CEP152: variants seen among roughly 807,000 people sequenced by gnomAD.
The protein encoded by CEP152 is centrosomal protein of 152 kDa.
A neutral mutation model predicts 188.9 loss-of-function variants in CEP152; 132 were observed. The ratio of observed to expected loss-of-function variants is 0.70; its 90% confidence interval spans 0.61 to 0.81. The LOEUF is 0.81. CEP152 is among the 30% of genes least tolerant of loss of function. The probability of loss-of-function intolerance (pLI) is 0.00; values close to 1 mark genes in which losing one functional copy is unlikely to be tolerated. For synonymous variants in CEP152, 649 were observed against 666.6 expected, an observed-to-expected ratio of 0.97 and a Z score of 0.41; for missense variants, 1,914 against 1,969.8, an observed-to-expected ratio of 0.97 and a Z score of 0.54.
intron 22 of CEP152, among the ~76,000 whole-genome samples, chr15:48,747,428 G>A (rs1893528219): frequency 6.6e-6 from 1 of 152,104 alleles, no homozygotes; most frequent in African/African-American, 2.4e-5. Flanking sequence ...TGGAGAATTT[G>A]GAGAAGGTAT....
chr15:48,762,389 A>G lies in CEP152; in HGVS notation c.2562+2T>C. On this transcript the variant is annotated splice_donor_variant, in intron 18 of 26. Transcript: ENST00000380950. LOFTEE classifies it high-confidence loss of function. ...ATTTACTAGAATAAATCTGCCTTTT[A>G]CCTGTTTGGTAATATTTTCACAATG... is the stretch of plus-strand genomic sequence containing the variant. The G allele has an allele frequency of 6.2e-7, 1 of 1,613,644 alleles. No homozygotes were observed. Among genetic ancestry groups the G allele is most frequent in the Non-Finnish European group, 8.5e-7 (1 of 1,179,610 alleles).
chr15:48,733,459 T>C (rs115786107), downstream of CEP152, among the ~76,000 whole-genome samples: 356 of 152,260 alleles, frequency 2.3e-3, 1 homozygote, highest in African/African-American at 8.1e-3. Flanking sequence ...AACTTGCACA[T>C]AGATTAATAA....
intron 19 of CEP152, 140 bp from the exon 20 acceptor site, chr15:48,756,693 G>C: frequency 1.3e-6 from 1 of 781,382 alleles, no homozygotes; most frequent in East Asian, 2.7e-5. Flanking sequence ...TTTTAGATAA[G>C]ACATTATTCT....
chr15:48,746,836 A>G (rs1893468788), intron 22 of CEP152, among the ~76,000 whole-genome samples: 1 of 152,174 alleles, frequency 6.6e-6, no homozygotes, highest in African/African-American at 2.4e-5. Flanking sequence ...GGAGGACTAA[A>G]CAGGTCTGCA....
At chr15:48,783,860 G>C (rs905542812) in intron 10 of CEP152, 113 bp downstream of exon 10, 7 of 862,528 alleles carry the variant, frequency 8.1e-6, no homozygotes, top group African/African-American at 1.8e-5. Flanking sequence ...GAAATTTATT[G>C]CTGATTGTGT....
rs368515832 is a variant in CEP152, at chr15:48,805,609, T to G, written c.41A>C (p.Asn14Thr). 9 of 1,609,000 alleles carry G rather than the reference T, an allele frequency of 5.6e-6. No homozygotes were observed. Reference sequence around the variant, plus strand: ...CTCTTCGTCATACTCTTCATCTTCATTTTGCACTGGTAGTGCCACACTGCC... The same window carrying G: ...CTCTTCGTCATACTCTTCATCTTCAGTTTGCACTGGTAGTGCCACACTGCC... ...DFGSVALPVQ[N>T]EDEEYDEEDY... Residue 14 changes from asparagine to threonine, a missense_variant, in exon 2 of 27, where the codon AAT (asparagine) becomes ACT (threonine). Coordinates refer to ENST00000380950, the MANE Select transcript of CEP152 (RefSeq NM_001194998.2).
intron 21 of CEP152, 21 bp downstream of exon 21, chr15:48,752,328 G>C (rs755652174): frequency 6.2e-7 from 1 of 1,614,024 alleles, no homozygotes; most frequent in African/African-American, 1.3e-5. Context: ...ACAAAGACTG[G>C]TGGGAACAAA....
At position 48,805,580 on chromosome 15, in the gene CEP152, A is replaced by G. The variant is rs771105927; in HGVS notation, c.70T>C (p.Tyr24His). 1 of 1,597,384 alleles carries G rather than the reference A, an allele frequency of 6.3e-7. No homozygotes were observed. The change falls in exon 2 of 27, where the codon TAT becomes CAT. Residue 24 changes from tyrosine (Y) to histidine (H), a missense_variant. Coordinates refer to ENST00000380950, the MANE Select transcript of CEP152 (RefSeq NM_001194998.2). ...NEDEEYDEED[Y>H]EREKELQQLL... Reference sequence around the variant, plus strand: ...CAACTTACCTCTTTCTCTCTTTCATAGTCCTCTTCGTCATACTCTTCATCT... The same window carrying G: ...CAACTTACCTCTTTCTCTCTTTCATGGTCCTCTTCGTCATACTCTTCATCT...
chr15:48,776,662 A>G (rs1895930639), intron 12 of CEP152, among the ~76,000 whole-genome samples: 1 of 152,182 alleles, frequency 6.6e-6, no homozygotes, highest in Admixed American at 6.5e-5. Context: ...GTAATCTATA[A>G]AAATATTCAC....
At chr15:48,754,368 T>A (rs1894105512) in intron 20 of CEP152, among the ~76,000 whole-genome samples, 1 of 152,138 alleles carries the variant, frequency 6.6e-6, no homozygotes, top group African/African-American at 2.4e-5. Context: ...GTGTCATAGT[T>A]TCTTGATTTT....
chr15:48,806,833 A>C (rs984633493), intron 1 of CEP152, among the ~76,000 whole-genome samples: 3 of 152,242 alleles, frequency 2.0e-5, no homozygotes, highest in Non-Finnish European at 4.4e-5. Flanking sequence ...AGATGTAGCC[A>C]ATCAAATTAT....
chr15:48,749,852 A>C (rs1048298634), intron 21 of CEP152, among the ~76,000 whole-genome samples: 1 of 152,064 alleles, frequency 6.6e-6, no homozygotes, highest in Non-Finnish European at 1.5e-5. Context: ...AAAAAATGCT[A>C]TAAGACATTA....
intron 9 of CEP152, 122 bp downstream of exon 9, chr15:48,788,679 A>C (rs1190320621): frequency 1.0e-6 from 1 of 998,404 alleles, no homozygotes; most frequent in Non-Finnish European, 1.6e-6. Flanking sequence ...CTCACCTCAC[A>C]CACAATCTAA....
chr15:48,739,017 A>C lies in CEP152; in HGVS notation c.4365T>G (p.Ser1455Arg), dbSNP rs777011470. ...ACTCAGGAGAAACATTCCTTGGCAA[A>C]CTGTTTAGGTGCTTGCAACTACCAT... ...FGDGSCKHLN[S>R]LPRNVSPEFV... Residue 1455 changes from serine to arginine, a missense_variant, in exon 27 of 27, where the codon AGT becomes AGG. Ser to Arg is a moderately radical substitution (Grantham distance 110). Coordinates refer to ENST00000380950, the MANE Select transcript of CEP152 (RefSeq NM_001194998.2). The C allele has an allele frequency of 6.2e-6, 10 of 1,614,006 alleles. No individual in the cohort carries two copies. The highest frequency in any genetic ancestry group is 1.7e-5 in the Admixed American group (1 of 60,014).
Position 48,809,496 on chromosome 15 carries a change from G to GA in CEP152, c.-8+1464dup, listed in dbSNP as rs201566236. Among the ~76,000 whole-genome samples, 91 of 151,832 alleles carry GA rather than the reference G, an allele frequency of 6.0e-4. 1 individual carries two copies. The highest frequency in any genetic ancestry group is 3.3e-3 in the South Asian group (16 of 4,812). ...AAGGATAGTTTAGAGAAGTTTTACA[G>GA]AAAAAAAAGAGCTTTTAGATTAGAA... On this transcript the variant is annotated intron_variant, in intron 1 of 26. Coordinates refer to ENST00000380950, the MANE Select transcript of CEP152 (RefSeq NM_001194998.2).
chr15:48,761,518 C>T (rs1894688077), intron 18 of CEP152, among the ~76,000 whole-genome samples: 1 of 152,168 alleles, frequency 6.6e-6, no homozygotes, highest in Admixed American at 6.6e-5. Flanking sequence ...AATATTAAGA[C>T]ACTATCTGTT....
intron 13 of CEP152, 62 bp downstream of exon 13, chr15:48,772,425 G>T: frequency 1.4e-6 from 2 of 1,408,718 alleles, no homozygotes; most frequent in Non-Finnish European, 2.0e-6. Flanking sequence ...AAAAAAAAGT[G>T]TAAAAGTTTT....
intron 2 of CEP152, among the ~76,000 whole-genome samples, chr15:48,800,270 T>G (rs924304753): frequency 1.3e-5 from 2 of 152,200 alleles, no homozygotes; most frequent in African/African-American, 2.4e-5. Context: ...ATGCTAACAT[T>G]TTAAAATTGA....
chr15:48,789,062 C>T (rs1342764776), intron 8 of CEP152, 61 bp from the exon 9 acceptor site: 1 of 1,421,798 alleles, frequency 7.0e-7, no homozygotes, highest in Non-Finnish European at 9.9e-7. Flanking sequence ...TAGCTCTGTG[C>T]TGTCTATAAA....
Sources: allele counts gnomAD v4.1 joint callset (sites outside exome capture counted in the v4.1 genomes callset), GRCh38; gene constraint gnomAD v4.1.1; transcripts MANE v1.5; gene names NCBI Gene and HGNC (gene_info 2026-07-23, HGNC 2026-07-21).